The following AMZ1 variants were observed in gnomAD, a reference collection of about 807,000 sequenced individuals.
AMZ1 encodes archaemetzincin-1.
Under a neutral mutation model 29.9 loss-of-function variants are expected in AMZ1, and 39 were observed. The observed-to-expected ratio is 1.30, with a 90% CI of 1.01 to 1.70. The LOEUF is 1.70. AMZ1 is among the 40% of genes most tolerant of loss of function. The probability of loss-of-function intolerance (pLI) is 0.00; values close to 1 mark genes in which losing one functional copy is unlikely to be tolerated. For synonymous variants in AMZ1, 458 were observed against 304.0 expected, an observed-to-expected ratio of 1.51 and a Z score of -5.27; for missense variants, 1,041 against 680.6, an observed-to-expected ratio of 1.53 and a Z score of -5.89.
chr7:2,745,676 C>T (rs1790730484), intron 4 of AMZ1, among the ~76,000 whole-genome samples: 1 of 152,188 alleles, frequency 6.6e-6, no homozygotes, highest in South Asian at 2.1e-4. Flanking sequence ...ACAATATTAA[C>T]TTTGAATGTA....
At chr7:2,725,348 C>G (rs536749242) in intron 4 of AMZ1, among the ~76,000 whole-genome samples, 4 of 152,196 alleles carry the variant, frequency 2.6e-5, no homozygotes, top group African/African-American at 9.7e-5. Context: ...GACACAGCTG[C>G]GCGAGGGGAA....
At chr7:2,701,080 A>G (rs1230364712) in intron 2 of AMZ1, among the ~76,000 whole-genome samples, 1 of 152,164 alleles carries the variant, frequency 6.6e-6, no homozygotes, top group Non-Finnish European at 1.5e-5. Flanking sequence ...CTGTATAAAG[A>G]TCACGCCGGG....
At chr7:2,719,828 C>G (rs965415216), downstream of AMZ1, among the ~76,000 whole-genome samples, 2 of 151,958 alleles carry the variant, frequency 1.3e-5, no homozygotes, top group Non-Finnish European at 2.9e-5. Flanking sequence ...TTACAGGTGC[C>G]TGCCACACCA....
At chr7:2,743,304 ATTAGATG>A in intron 4 of AMZ1, among the ~76,000 whole-genome samples, 1 of 152,330 alleles carries the variant, frequency 6.6e-6, no homozygotes, top group East Asian at 1.9e-4. Flanking sequence ...AAATATCAAC[ATTAGATG>A]GATGAACAGA....
chr7:2,758,430 G>A (rs922982048), intron 4 of AMZ1, among the ~76,000 whole-genome samples: 1 of 152,186 alleles, frequency 6.6e-6, no homozygotes, highest in East Asian at 1.9e-4. Context: ...AGTTTCATGT[G>A]TTCTGTGCTG....
chr7:2,736,533 G>C (rs1010009056), intron 4 of AMZ1, among the ~76,000 whole-genome samples: 1 of 152,188 alleles, frequency 6.6e-6, no homozygotes, highest in African/African-American at 2.4e-5. Context: ...AGTGAAAGAG[G>C]GGTTGTCTGT....
upstream of AMZ1, among the ~76,000 whole-genome samples, chr7:2,685,156 C>A (rs1488070600): frequency 6.6e-6 from 1 of 151,844 alleles, no homozygotes; most frequent in Non-Finnish European, 1.5e-5. Context: ...GGTTGAGCCG[C>A]CGCGCCCGGC....
chr7:2,690,555 C>T (rs750106076), intron 1 of AMZ1, among the ~76,000 whole-genome samples: 3 of 152,124 alleles, frequency 2.0e-5, no homozygotes, highest in Non-Finnish European at 2.9e-5. Context: ...CACTCCTTCC[C>T]GGGCGGCTCA....
chr7:2,709,755 G>A lies in AMZ1; in HGVS notation c.887G>A (p.Cys296Tyr). Reference sequence around the variant, plus strand: ...GCCCTGCGGCGGCCCCTGGACCTCTGTCCCATCTGCCTGAGGAAGCTGCAG... The same window carrying A: ...GCCCTGCGGCGGCCCCTGGACCTCTATCCCATCTGCCTGAGGAAGCTGCAG... ...DEALRRPLDLCPICLRKLQHV... is the reference protein window; with the variant it reads ...DEALRRPLDLYPICLRKLQHV... The change falls in exon 6 of 7, where the codon TGT (cysteine) becomes TAT (tyrosine). Residue 296 changes from cysteine (C) to tyrosine (Y), a missense_variant. Coordinates refer to ENST00000683327, the MANE Select transcript of AMZ1 (RefSeq NM_001384743.1). 6.2e-7 allele frequency: 1 copy of A among 1,611,852 alleles called. No homozygotes were observed. The highest frequency in any genetic ancestry group is 8.5e-7 in the Non-Finnish European group (1 of 1,179,876).
Position 2,702,762 on chromosome 7 carries a change from G to T in AMZ1, c.345G>T (p.Gln115His). The change falls in exon 3 of 7, where the codon CAG becomes CAT. Residue 115 changes from glutamine (Q) to histidine (H), a missense_variant. Coordinates refer to ENST00000683327, the MANE Select transcript of AMZ1 (RefSeq NM_001384743.1). ...EEPVGSSLLH[Q>H]LCSCTEAFFL... ...CGGTGGGAAGCTCCCTGCTGCACCA[G>T]CTGTGCAGCTGCACAGAGGCCTTCT... is the stretch of plus-strand genomic sequence containing the variant. 1 of 1,541,912 alleles carries T rather than the reference G, an allele frequency of 6.5e-7. No individual in the cohort carries two copies.
chr7:2,747,763 A>C (rs1790837971), intron 4 of AMZ1, among the ~76,000 whole-genome samples: 1 of 152,202 alleles, frequency 6.6e-6, no homozygotes, highest in African/African-American at 2.4e-5. Context: ...ATTGTATATT[A>C]TCTAGAAAAC....
intron 3 of AMZ1, 31 bp downstream of exon 3, chr7:2,702,920 C>T: frequency 3.9e-6 from 6 of 1,553,766 alleles, no homozygotes; most frequent in Non-Finnish European, 5.2e-6. Flanking sequence ...CCGCTCAGGC[C>T]AAGGCAGGCC....
At chr7:2,764,253 T>C (rs1486344379), upstream of AMZ1, among the ~76,000 whole-genome samples, 10 of 151,824 alleles carry the variant, frequency 6.6e-5, no homozygotes, top group South Asian at 2.1e-4. Flanking sequence ...TCTTTTTTTT[T>C]TTTTTTTTTA....
rs545215773 is a variant in AMZ1, at chr7:2,749,972, G to C, written n.551-14740G>C. Among the ~76,000 whole-genome samples, 9 of 152,276 alleles carry C rather than the reference G, an allele frequency of 5.9e-5. No homozygotes were observed. The South Asian group carries it at 1.9e-3, about 32-fold the overall frequency. ...CTCACAGAAGAGAACAAAGAGAGTG[G>C]GGCAGAGAATGTTTTTAGAAGCAGA... On this transcript the variant is annotated intron_variant and non_coding_transcript_variant, in intron 4 of 4. Coordinates refer to the AMZ1 transcript ENST00000489665.
intron 4 of AMZ1, among the ~76,000 whole-genome samples, chr7:2,745,186 T>C (rs901383728): frequency 6.6e-6 from 1 of 152,126 alleles, no homozygotes; most frequent in African/African-American, 2.4e-5. Flanking sequence ...AAGATACTCC[T>C]TGAGAAAGGC....
chr7:2,703,500 C>T (rs1303794567), intron 3 of AMZ1, among the ~76,000 whole-genome samples: 2 of 112,366 alleles, frequency 1.8e-5, no homozygotes, highest in Admixed American at 1.6e-4. Flanking sequence ...TTGCATAGTA[C>T]TTTACACGTG....
At chr7:2,734,493 T>C (rs1339823347) in intron 4 of AMZ1, among the ~76,000 whole-genome samples, 1 of 152,124 alleles carries the variant, frequency 6.6e-6, no homozygotes, top group African/African-American at 2.4e-5. Context: ...TGTGGCGAGC[T>C]GACGCAGGAG....
At chr7:2,735,321 CAG>C (rs1790113105) in intron 4 of AMZ1, among the ~76,000 whole-genome samples, 1 of 152,194 alleles carries the variant, frequency 6.6e-6, no homozygotes, top group Non-Finnish European at 1.5e-5. Flanking sequence ...CGTTTCTAGG[CAG>C]GTGGTGGCAC....
At chr7:2,702,455 G>A in intron 2 of AMZ1, 1 of 489,274 alleles carries the variant, frequency 2.0e-6, no homozygotes, top group Non-Finnish European at 3.6e-6. Context: ...GTGAGTCCCT[G>A]CCTGCTCTCT....
Sources: gnomAD v4.1 joint callset for allele counts (sites outside exome capture counted in the v4.1 genomes callset) on GRCh38, gnomAD v4.1.1 for gene constraint, MANE v1.5 for transcripts, NCBI Gene and HGNC (gene_info 2026-07-23, HGNC 2026-07-21) for gene names.